The following WWOX variants were observed in gnomAD, a reference collection of about 807,000 sequenced individuals.
The protein encoded by WWOX is WW domain containing oxidoreductase, also known as WW domain-containing oxidoreductase.
A neutral mutation model predicts 46.2 loss-of-function variants in WWOX; 69 were observed. That is an observed-to-expected ratio of 1.49 (90% CI 1.23 to 1.82). The LOEUF (loss-of-function observed/expected upper bound fraction) is 1.82. Among genes scored for constraint, WWOX ranks in the 40% most tolerant of loss-of-function variants. WWOX has a pLI of 0.00. For missense variants in WWOX, 919 were observed against 542.6 expected, an observed-to-expected ratio of 1.69 and a Z score of -6.89; for synonymous variants, 359 against 202.6, an observed-to-expected ratio of 1.77 and a Z score of -6.56.
intron 8 of WWOX, among the ~76,000 whole-genome samples, chr16:78,874,934 G>A (rs2044205687): frequency 6.6e-6 from 1 of 152,066 alleles, no homozygotes; most frequent in African/African-American, 2.4e-5. Flanking sequence ...GTGAAAACAT[G>A]CATTGGAACC....
intron 8 of WWOX, among the ~76,000 whole-genome samples, chr16:79,011,133 ATC>A (rs1491571452): frequency 6.7e-3 from 656 of 97,744 alleles, no homozygotes; most frequent in Non-Finnish European, 6.1e-3. Context: ...TCACTCACAC[ATC>A]CACACACACA....
chr16:78,504,804 C>T (rs1395158764), intron 8 of WWOX, among the ~76,000 whole-genome samples: 2 of 151,962 alleles, frequency 1.3e-5, no homozygotes, highest in African/African-American at 4.8e-5. Context: ...GCTTATGCAT[C>T]CGTGCTCAGG....
chr16:78,445,340 T>C (rs1007011707), intron 8 of WWOX, among the ~76,000 whole-genome samples: 1 of 152,196 alleles, frequency 6.6e-6, no homozygotes. Context: ...ACAAAAATCA[T>C]GTCACAAGAT....
At chr16:78,885,476 T>C (rs565091588) in intron 8 of WWOX, among the ~76,000 whole-genome samples, 17 of 152,302 alleles carry the variant, frequency 1.1e-4, no homozygotes, top group Non-Finnish European at 1.8e-4. Flanking sequence ...GAACCAAAAT[T>C]ATGAATTTAA....
At chr16:78,224,236 C>A (rs1302720704) in intron 5 of WWOX, among the ~76,000 whole-genome samples, 1 of 152,086 alleles carries the variant, frequency 6.6e-6, no homozygotes, top group Non-Finnish European at 1.5e-5. Flanking sequence ...ATCTCCTGAC[C>A]TCGTGATCCG....
chr16:78,755,569 T>C (rs2049623491), intron 8 of WWOX, among the ~76,000 whole-genome samples: 1 of 152,190 alleles, frequency 6.6e-6, no homozygotes, highest in African/African-American at 2.4e-5. Context: ...ATTTAGTAAA[T>C]AGCCCTGCCC....
intron 8 of WWOX, among the ~76,000 whole-genome samples, chr16:78,928,460 C>G (rs553272077): frequency 1.3e-5 from 2 of 152,212 alleles, no homozygotes; most frequent in Non-Finnish European, 2.9e-5. Flanking sequence ...CCTCGGCCTC[C>G]CAAAGTGCTG....
At chr16:78,960,444 G>C (rs148087413) in intron 8 of WWOX, among the ~76,000 whole-genome samples, 167 of 152,290 alleles carry the variant, frequency 1.1e-3, no homozygotes, top group Non-Finnish European at 2.0e-3. Flanking sequence ...TATGAAAGGA[G>C]ACTGTCACTT....
intron 8 of WWOX, among the ~76,000 whole-genome samples, chr16:78,510,064 A>AGTCTGTCT (rs59985442): frequency 3.3e-5 from 5 of 150,382 alleles, no homozygotes; most frequent in East Asian, 4.0e-4. Context: ...CCTGTCTCCA[A>AGTCTGTCT]GTCTGTCTGT....
At chr16:78,949,226 G>A (rs114361942) in intron 8 of WWOX, among the ~76,000 whole-genome samples, 173 of 152,278 alleles carry the variant, frequency 1.1e-3, no homozygotes, top group African/African-American at 3.8e-3. Flanking sequence ...GTGGCCTTGT[G>A]AGACCTGAAA....
rs1021400126 is a variant in WWOX at position 78,099,711 on chromosome 16, G to T, written c.-68G>T. 2 of 1,486,800 alleles carry T rather than the reference G, an allele frequency of 1.3e-6. No homozygotes were observed. Among genetic ancestry groups the T allele is most frequent in the Non-Finnish European group, 1.8e-6 (2 of 1,118,508 alleles). 92.1% of individuals were successfully genotyped at this position (1,486,800 alleles called of 1,614,324 possible). ...CGCGCGCGGGTCTCGTTTGGAGCGG[G>T]AGTGAGTTCCTGAGCGAGTGGACCC... On this transcript the variant is annotated 5_prime_UTR_variant, in exon 1 of 9. Transcript: ENST00000566780.
chr16:78,247,714 C>T lies in WWOX; in HGVS notation c.516+83425C>T, dbSNP rs373701615. On this transcript the variant is annotated intron_variant, in intron 5 of 8. Transcript: ENST00000566780. ...GTCAGTCCGTGGATCACCTCACTGTCCTAGGGATGCTCTTCTGGTCCACAC... is the reference window on the plus strand; with the variant it reads ...GTCAGTCCGTGGATCACCTCACTGTTCTAGGGATGCTCTTCTGGTCCACAC... 3.3e-5 allele frequency among the ~76,000 whole-genome samples: 5 copies of T among 152,200 alleles called. No homozygotes were observed. The South Asian group carries it at 1.0e-3, about 32-fold the overall frequency.
chr16:78,172,677 G>C (rs1487746191), intron 5 of WWOX, among the ~76,000 whole-genome samples: 1 of 151,822 alleles, frequency 6.6e-6, no homozygotes, highest in Non-Finnish European at 1.5e-5. Context: ...TATAATGAGG[G>C]CTGTGATTAA....
chr16:79,093,277 C>T (rs2049001747), intron 8 of WWOX, among the ~76,000 whole-genome samples: 1 of 152,154 alleles, frequency 6.6e-6, no homozygotes, highest in South Asian at 2.1e-4. Flanking sequence ...TACACAGAAA[C>T]ACTAAATACC....
intron 8 of WWOX, among the ~76,000 whole-genome samples, chr16:79,009,701 T>G (rs993827114): frequency 4.6e-5 from 7 of 152,144 alleles, no homozygotes; most frequent in African/African-American, 1.7e-4. Context: ...TCCACCCACC[T>G]CAGCTTCCCA....
At chr16:78,911,101 C>T (rs78061629) in intron 8 of WWOX, among the ~76,000 whole-genome samples, 4,122 of 152,116 alleles carry the variant, frequency 0.027, 214 homozygotes, top group East Asian at 0.18. Context: ...TTCTTGTTCT[C>T]CCCAGTTGCA....
chr16:78,593,040 C>G (rs780370171), intron 8 of WWOX, among the ~76,000 whole-genome samples: 8 of 152,144 alleles, frequency 5.3e-5, no homozygotes, highest in Non-Finnish European at 1.0e-4. Flanking sequence ...TCAGTCCTAG[C>G]ACCAATGTGT....
chr16:79,012,583 C>T (rs957753149), intron 8 of WWOX, among the ~76,000 whole-genome samples: 3 of 152,128 alleles, frequency 2.0e-5, no homozygotes, highest in Non-Finnish European at 4.4e-5. Flanking sequence ...TGAAGATCCA[C>T]ATATGGCTGA....
chr16:78,144,473 A>ATATATATATATACACG (rs2034117730), intron 4 of WWOX, among the ~76,000 whole-genome samples: 2 of 37,594 alleles, frequency 5.3e-5, no homozygotes, highest in Admixed American at 3.8e-4. Context: ...ACACACATAT[A>ATATATATATATACACG]TATATATATA....
Sources: gnomAD v4.1 joint callset for allele counts (sites outside exome capture counted in the v4.1 genomes callset) on GRCh38, gnomAD v4.1.1 for gene constraint, MANE v1.5 for transcripts, NCBI Gene and HGNC (gene_info 2026-07-23, HGNC 2026-07-21) for gene names.